Variants in BAIAP2 observed in about 807,000 individuals in gnomAD.
The protein encoded by BAIAP2 is BAR/IMD domain containing adaptor protein 2, also known as BAR/IMD domain-containing adapter protein 2.
A neutral mutation model predicts 63.0 loss-of-function variants in BAIAP2; 18 were observed. The observed-to-expected ratio is 0.29, with a 90% CI of 0.20 to 0.42. BAIAP2 has a LOEUF of 0.42. Ranked by LOEUF, BAIAP2 falls within the 10% of genes least tolerant of loss-of-function variation. The pLI is 1.00. For synonymous variants in BAIAP2, 386 were observed against 307.6 expected, an observed-to-expected ratio of 1.25 and a Z score of -2.67; for missense variants, 610 against 734.3, an observed-to-expected ratio of 0.83 and a Z score of 1.96.
At chr17:81,042,864 G>A (rs1053383916) in intron 1 of BAIAP2, among the ~76,000 whole-genome samples, 1 of 149,942 alleles carries the variant, frequency 6.7e-6, no homozygotes, top group East Asian at 2.0e-4. Flanking sequence ...GCTTCCAGGC[G>A]GGGCTTTTAT....
chr17:81,106,027 A>G (rs987025276), intron 10 of BAIAP2, 51 bp from the exon 11 acceptor site: 8 of 1,506,700 alleles, frequency 5.3e-6, no homozygotes, highest in Admixed American at 2.0e-5. Flanking sequence ...TCGGTGGGGG[A>G]TGGGGAGCCT....
chr17:81,080,967 G>A (rs763143712), intron 3 of BAIAP2, among the ~76,000 whole-genome samples: 13 of 152,222 alleles, frequency 8.5e-5, no homozygotes, highest in Admixed American at 1.3e-4. Context: ...ATAGGGGGCC[G>A]GCGACCTCGC....
intron 1 of BAIAP2, among the ~76,000 whole-genome samples, chr17:81,043,168 A>G (rs1480526361): frequency 2.6e-5 from 4 of 152,192 alleles, no homozygotes; most frequent in African/African-American, 9.7e-5. Context: ...CATCCGGTCT[A>G]GGTGGGGCTT....
chr17:81,109,197 CTG>C, intron 13 of BAIAP2: 1 of 1,407,248 alleles, frequency 7.1e-7, no homozygotes, highest in Non-Finnish European at 9.2e-7. Context: ...CCCCCCTCCC[CTG>C]TGTTTACGCG....
chr17:81,085,064 G>C, intron 4 of BAIAP2, 171 bp downstream of exon 4: 1 of 693,240 alleles, frequency 1.4e-6, no homozygotes. Context: ...GAGGACGTCG[G>C]AGAAAAGGGC....
rs574067436 is a variant in BAIAP2 at position 81,110,643 on chromosome 17, G to A, written c.1535+2134G>A. 2.7e-4 allele frequency: 333 copies of A among 1,232,986 alleles called. 1 individual carries two copies. The highest frequency in any genetic ancestry group is 3.3e-4 in the Non-Finnish European group (316 of 969,626). The allele number at this position is 1,232,986 out of a possible 1,614,324, so 76.4% of individuals were successfully genotyped here. On this transcript the variant is annotated intron_variant, in intron 13 of 13. Coordinates refer to ENST00000428708, the MANE Select transcript of BAIAP2 (RefSeq NM_001144888.2). Reference sequence around the variant, plus strand: ...TGCTAGATAACCTGGGCTTGCACACGGTGCTGGCCCCAGTGACAGTCGCTC... The same window carrying A: ...TGCTAGATAACCTGGGCTTGCACACAGTGCTGGCCCCAGTGACAGTCGCTC...
chr17:81,061,294 A>G (rs1378342310), intron 3 of BAIAP2, among the ~76,000 whole-genome samples: 1 of 152,256 alleles, frequency 6.6e-6, no homozygotes, highest in Non-Finnish European at 1.5e-5. Context: ...CAGACGGTGT[A>G]TTATGATGAC....
chr17:81,080,071 G>C (rs1282843660), intron 3 of BAIAP2, among the ~76,000 whole-genome samples: 2 of 152,236 alleles, frequency 1.3e-5, no homozygotes, highest in African/African-American at 4.8e-5. Flanking sequence ...CCGCGGACAA[G>C]ACTTAGTTGC....
At chr17:81,098,293 C>A in intron 6 of BAIAP2, 2 of 938,240 alleles carry the variant, frequency 2.1e-6, no homozygotes, top group Non-Finnish European at 1.4e-6. Flanking sequence ...AGCGGCCGCC[C>A]TCAGCTTCTT....
chr17:81,039,028 A>T (rs1201576932), intron 1 of BAIAP2, among the ~76,000 whole-genome samples: 1 of 152,168 alleles, frequency 6.6e-6, no homozygotes, highest in Non-Finnish European at 1.5e-5. Context: ...GTGTTTAAGG[A>T]TACTTCCTGG....
intron 10 of BAIAP2, among the ~76,000 whole-genome samples, 187 bp downstream of exon 10, chr17:81,104,902 TC>T (rs1197538073): frequency 1.3e-5 from 2 of 151,696 alleles, no homozygotes; most frequent in African/African-American, 4.9e-5. Flanking sequence ...AGGCGTCTTC[TC>T]CCCTGGCAGG....
rs1425587610 is a variant in BAIAP2 at position 81,035,184 on chromosome 17, G to A, written c.-71G>A. 6.1e-6 allele frequency: 8 copies of A among 1,303,822 alleles called. No homozygotes were observed. Among genetic ancestry groups the A allele is most frequent in the East Asian group, 6.6e-5 (2 of 30,372 alleles). 80.8% of individuals were successfully genotyped at this position (1,303,822 alleles called of 1,614,324 possible). A position where few individuals can be genotyped will look rare whatever the true frequency, so the allele number is the denominator to read the frequency against. On this transcript the variant is annotated 5_prime_UTR_variant, in exon 1 of 14. Transcript: ENST00000428708. ...GGTCCGCTTTCGTCTCCGTCCTGCT[G>A]CCGTTACCGCCGCTGCTGCCGCCGC...
intron 13 of BAIAP2, among the ~76,000 whole-genome samples, chr17:81,114,508 A>G (rs1222530161): frequency 6.6e-6 from 1 of 152,198 alleles, no homozygotes; most frequent in Non-Finnish European, 1.5e-5. Context: ...GATCCAGCAG[A>G]CCCTGAGGCT....
intron 4 of BAIAP2, 56 bp from the exon 5 acceptor site, chr17:81,085,598 T>C: frequency 6.8e-7 from 1 of 1,472,376 alleles, no homozygotes. Context: ...CCCTGCCTCC[T>C]GTTCCGGGTC....
At chr17:81,057,579 C>A in intron 2 of BAIAP2, 1 of 1,078,048 alleles carries the variant, frequency 9.3e-7, no homozygotes, top group Non-Finnish European at 1.1e-6. Context: ...CTCCCCCCGG[C>A]CCTGCCTGGT....
chr17:81,103,864 G>C (rs761284106), intron 8 of BAIAP2, 43 bp from the exon 9 acceptor site: 1 of 1,608,464 alleles, frequency 6.2e-7, no homozygotes, highest in Non-Finnish European at 8.5e-7. Flanking sequence ...GTCTTGCCCG[G>C]GGTGGGCTCC....
intron 1 of BAIAP2, among the ~76,000 whole-genome samples, chr17:81,052,138 C>G (rs1035917059): frequency 1.3e-5 from 2 of 152,228 alleles, no homozygotes; most frequent in Non-Finnish European, 2.9e-5. Flanking sequence ...CACGCCGGGT[C>G]CTGCTTTCCC....
intron 1 of BAIAP2, among the ~76,000 whole-genome samples, chr17:81,041,529 G>A (rs569085791): frequency 6.6e-6 from 1 of 152,274 alleles, no homozygotes; most frequent in Non-Finnish European, 1.5e-5. Flanking sequence ...TTATAATTGG[G>A]TAGTGTTTTT....
chr17:81,085,701 G>A lies in BAIAP2; in HGVS notation c.327G>A (p.Val109=), dbSNP rs143890278. ...NELLTQLEQK[V]ELDSRYLSAA... ...TGCTTACGCAGCTGGAGCAGAAGGT[G>A]GAGCTGGACTCCAGGTATCTGAGTG... The change falls in exon 5 of 14, where the codon GTG becomes GTA. Residue 109 remains valine (V), a synonymous_variant. Coordinates refer to ENST00000428708, the MANE Select transcript of BAIAP2 (RefSeq NM_001144888.2). 422 of 1,613,686 alleles carry A rather than the reference G, an allele frequency of 2.6e-4. No individual in the cohort carries two copies. The highest frequency in any genetic ancestry group is 3.7e-4 in the Admixed American group (22 of 60,014).
Sources: allele counts gnomAD v4.1 joint callset (sites outside exome capture counted in the v4.1 genomes callset), GRCh38; gene constraint gnomAD v4.1.1; transcripts MANE v1.5; gene names NCBI Gene and HGNC (gene_info 2026-07-23, HGNC 2026-07-21).